TMBIM1: variants seen among roughly 807,000 people sequenced by gnomAD.
TMBIM1 encodes the protein protein lifeguard 3.
In TMBIM1, 34 loss-of-function variants were observed where a neutral mutation model predicts 45.1. The observed-to-expected ratio is 0.75, with a 90% CI of 0.57 to 1.00. TMBIM1 has a LOEUF of 1.00. Among genes scored for constraint, TMBIM1 ranks in the 50% least tolerant of loss-of-function variants. TMBIM1 has a pLI of 0.00. For missense variants in TMBIM1, 374 were observed against 402.4 expected (o/e 0.93, Z 0.60); for synonymous variants, 157 against 153.5 (o/e 1.02, Z -0.17).
At position 218,292,501 on chromosome 2, in the gene TMBIM1, A is replaced by C. The variant is rs1693003940; in HGVS notation, c.-76T>G. On this transcript the variant is annotated 5_prime_UTR_variant, in exon 1 of 12. Transcript: ENST00000258412. Reference sequence around the variant, plus strand: ...CCAGACGGAGCGTTCCTGGCCTCGGAGTGTTGCAAGTCCTCCGGGGCCGGG... The same window carrying C: ...CCAGACGGAGCGTTCCTGGCCTCGGCGTGTTGCAAGTCCTCCGGGGCCGGG... The C allele has an allele frequency of 6.6e-6, 1 of 151,902 alleles. No homozygotes were observed. The allele number at this position is 151,902 out of a possible 1,614,324, so 9.4% of individuals were successfully genotyped here.
rs2045435 is a variant in TMBIM1, at chr2:218,280,092, T to C, written c.237A>G (p.Ala79=). ...CTCCAGGCCCGAAGCTATCACTCACTGCTCTCTCCTCCCCATCATAGCCAT... is the reference window on the plus strand; with the variant it reads ...CTCCAGGCCCGAAGCTATCACTCACCGCTCTCTCCTCCCCATCATAGCCAT... ...PGHGYDGEER[A]VSDSFGPGEW... The change falls in exon 3 of 12, where the codon GCA becomes GCG. Residue 79 remains alanine (A), a synonymous_variant. Coordinates refer to ENST00000258412, the MANE Select transcript of TMBIM1 (RefSeq NM_022152.6). The C allele has an allele frequency of 1, 1,612,841 of 1,614,134 alleles. 805,786 individuals carry two copies. The highest frequency in any genetic ancestry group is 1 in the East Asian group (44,870 of 44,870).
rs71064427 is a variant in TMBIM1, at chr2:218,284,168, G to GAA, written c.-40-1989_-40-1988dup. ...AACAGAGTGAGACTCCATCTCAAAA[G>GAA]AAAAAAAAAAAAAAGCACTGGCCGG... is the stretch of plus-strand genomic sequence containing the variant. On this transcript the variant is annotated intron_variant, in intron 1 of 11. Coordinates refer to ENST00000258412, the MANE Select transcript of TMBIM1 (RefSeq NM_022152.6). 6 of 129,014 alleles carry GAA rather than the reference G, an allele frequency of 4.7e-5. No homozygotes were observed. In the South Asian group the frequency reaches 7.3e-4, roughly 16 times the overall value. 8.0% of individuals were successfully genotyped at this position (129,014 alleles called of 1,614,324 possible). A position where few individuals can be genotyped will look rare whatever the true frequency, so the allele number is the denominator to read the frequency against.
chr2:218,275,662 A>G lies in TMBIM1; in HGVS notation c.790-41T>C, dbSNP rs72947598. 106,707 of 1,590,754 alleles carry G rather than the reference A, an allele frequency of 0.067. 4,133 individuals carry two copies. Among genetic ancestry groups the G allele is most frequent in the Non-Finnish European group, 0.078 (91,082 of 1,169,618 alleles). ...AGCCAGAAGTGAGAACTCAGGCATC[A>G]GTGTCCAGAGCTCATTTTTGGTCAG... On this transcript the variant is annotated intron_variant, in intron 11 of 11. Transcript: ENST00000258412.
chr2:218,282,996 C>T (rs1692186521), intron 1 of TMBIM1, among the ~76,000 whole-genome samples: 2 of 152,190 alleles, frequency 1.3e-5, no homozygotes, highest in East Asian at 1.9e-4. Flanking sequence ...TCGCCCTCCC[C>T]CTTACCCCCA....
Position 218,275,278 on chromosome 2 carries a change from T to TC in TMBIM1, c.*196dup, listed in dbSNP as rs2106184725. The stretch of plus-strand genomic sequence containing the variant: ...CAAGCCCACCAAGAGCAACAGTTAG[T>TC]CCCTAGCTCCTCCGTCCCCACCAAG... On this transcript the variant is annotated 3_prime_UTR_variant, in exon 12 of 12. Coordinates refer to ENST00000258412, the MANE Select transcript of TMBIM1 (RefSeq NM_022152.6). 1 of 578,920 alleles carries TC rather than the reference T, an allele frequency of 1.7e-6. No homozygotes were observed. Among genetic ancestry groups the TC allele is most frequent in the East Asian group, 3.4e-5 (1 of 29,526 alleles). The allele number at this position is 578,920 out of a possible 1,614,324, so 35.9% of individuals were successfully genotyped here.
chr2:218,278,022 C>A, intron 6 of TMBIM1, 48 bp from the exon 7 acceptor site: 1 of 1,606,654 alleles, frequency 6.2e-7, no homozygotes, highest in South Asian at 1.1e-5. Flanking sequence ...GCCCCTCAGG[C>A]GTCAGAGGCT....
intron 3 of TMBIM1, 66 bp from the exon 4 acceptor site, chr2:218,279,419 G>T: frequency 6.9e-7 from 1 of 1,444,608 alleles, no homozygotes; most frequent in Non-Finnish European, 9.3e-7. Flanking sequence ...GAAGCTGCCA[G>T]CCCCCAGTAC....
chr2:218,276,735 C>G (rs4674280), intron 10 of TMBIM1, among the ~76,000 whole-genome samples: 75,838 of 152,018 alleles, frequency 0.5, 19,917 homozygotes, highest in African/African-American at 0.67. Flanking sequence ...CAGCTGCCAG[C>G]CAGATTGAAC....
chr2:218,284,163 C>CAAAAG (rs1553660210), intron 1 of TMBIM1: 5 of 132,470 alleles, frequency 3.8e-5, no homozygotes, highest in African/African-American at 1.1e-4. Flanking sequence ...GACTCCATCT[C>CAAAAG]AAAAGAAAAA....
At chr2:218,279,163 C>G in intron 4 of TMBIM1, 72 bp from the exon 5 acceptor site, 1 of 1,599,954 alleles carries the variant, frequency 6.3e-7, no homozygotes, top group South Asian at 1.1e-5. Context: ...CCAGGCAGCC[C>G]TGGCTTCACC....
chr2:218,277,025 G>A lies in TMBIM1; in HGVS notation c.714C>T (p.Ser238=), dbSNP rs138748565. 6.2e-6 allele frequency: 10 copies of A among 1,613,944 alleles called. No homozygotes were observed. The highest frequency in any genetic ancestry group is 4.0e-5 in the African/African-American group (3 of 74,924). The change falls in exon 10 of 12, where the codon AGC becomes AGT. Residue 238 remains serine, a synonymous_variant. Coordinates refer to ENST00000258412, the MANE Select transcript of TMBIM1 (RefSeq NM_022152.6). ...TCACGTATTGGAAGTAGAGCACAAT[G>A]CTAGTGACAATCCCAGTCACCAGGA... ...IVLLVTGIVT[S]IVLYFQYVYW...
Position 218,277,495 on chromosome 2 carries a change from C to T in TMBIM1, c.552-42G>A, listed in dbSNP as rs985827718. 3.7e-6 allele frequency: 6 copies of T among 1,609,522 alleles called. No individual in the cohort carries two copies. In the African/African-American group the frequency reaches 4.0e-5, roughly 11 times the overall value. Reference sequence around the variant, plus strand: ...GTTACAGACAAGAGGCATTAAGCCACGTATGAATGACTTCAAAATCACCAC... The same window carrying T: ...GTTACAGACAAGAGGCATTAAGCCATGTATGAATGACTTCAAAATCACCAC... On this transcript the variant is annotated intron_variant, in intron 8 of 11. Transcript: ENST00000258412.
intron 4 of TMBIM1, 80 bp from the exon 5 acceptor site, chr2:218,279,171 A>C (rs1574635025): frequency 6.3e-7 from 1 of 1,592,040 alleles, no homozygotes; most frequent in Non-Finnish European, 8.6e-7. Flanking sequence ...CCCTGGCTTC[A>C]CCTTCTCTAA....
rs1395844498 is a variant in TMBIM1 at position 218,280,153 on chromosome 2, C to G, written c.203-27G>C. On this transcript the variant is annotated intron_variant, in intron 2 of 11. Transcript: ENST00000258412. The stretch of plus-strand genomic sequence containing the variant: ...TAGGGACAGATGACACTTGACTCAG[C>G]TGGGGACCTGAGACATGTGGCGTCA... The G allele has an allele frequency of 2.0e-6, 3 of 1,536,936 alleles. No individual in the cohort carries two copies. In the Admixed American group the frequency reaches 5.0e-5, roughly 26 times the overall value.
intron 1 of TMBIM1, among the ~76,000 whole-genome samples, chr2:218,283,154 C>T (rs1219182396): frequency 1.3e-5 from 2 of 152,148 alleles, no homozygotes; most frequent in Non-Finnish European, 2.9e-5. Flanking sequence ...GGAAGAGCCC[C>T]ATAGCCAGGG....
rs773289545 is a variant in TMBIM1 at position 218,279,281 on chromosome 2, A to T, written c.368+8T>A. On this transcript the variant is annotated splice_region_variant and intron_variant, in intron 4 of 11. Transcript: ENST00000258412. Reference sequence around the variant, plus strand: ...AGTAGGAGTGGGTGGCAAAGCCTAGAGACTTACACAAAGGTGAAGATAGCA... The same window carrying T: ...AGTAGGAGTGGGTGGCAAAGCCTAGTGACTTACACAAAGGTGAAGATAGCA... The T allele has an allele frequency of 1.1e-5, 18 of 1,573,792 alleles. No individual in the cohort carries two copies. In the East Asian group the frequency reaches 3.6e-4, roughly 31 times the overall value.
Position 218,280,074 on chromosome 2 carries a change from C to A in TMBIM1, c.255G>T (p.Gly85=). The A allele has an allele frequency of 6.2e-7, 1 of 1,614,170 alleles. No homozygotes were observed. ...GEERAVSDSF[G]PGEWDDRKVR... is the part of the protein sequence containing the mutation. ...CTTTCCGGTCATCCCACTCTCCAGG[C>A]CCGAAGCTATCACTCACTGCTCTCT... Residue 85 remains glycine, a synonymous_variant, in exon 3 of 12, where the codon GGG becomes GGT. Transcript: ENST00000258412.
At chr2:218,286,938 G>C (rs1692569016) in intron 1 of TMBIM1, 1 of 152,162 alleles carries the variant, frequency 6.6e-6, no homozygotes, top group Non-Finnish European at 1.5e-5. Flanking sequence ...CTGACGATTT[G>C]TTCCCCTCCC....
At chr2:218,282,351 C>G (rs1292813366) in intron 1 of TMBIM1, 170 bp from the exon 2 acceptor site, 3 of 487,320 alleles carry the variant, frequency 6.2e-6, no homozygotes, top group Non-Finnish European at 1.1e-5. Flanking sequence ...TCCCCACCAA[C>G]TGGGCTCCTG....
Sources: allele counts gnomAD v4.1 joint callset (sites outside exome capture counted in the v4.1 genomes callset), GRCh38; gene constraint gnomAD v4.1.1; transcripts MANE v1.5; gene names NCBI Gene and HGNC (gene_info 2026-07-23, HGNC 2026-07-21).